Variants in ZC3H12B observed in about 807,000 individuals in gnomAD.
ZC3H12B encodes the protein probable ribonuclease ZC3H12B.
ZC3H12B carries 7 observed loss-of-function variants against 43.9 expected under a neutral mutation model. The observed-to-expected ratio is 0.16, with a 90% CI of 0.09 to 0.30. The LOEUF (loss-of-function observed/expected upper bound fraction) is 0.30. Among genes scored for constraint, ZC3H12B ranks in the 10% least tolerant of loss-of-function variants. ZC3H12B has a pLI of 1.00. For synonymous variants in ZC3H12B, 222 were observed against 241.7 expected, an observed-to-expected ratio of 0.92 and a Z score of 0.76; for missense variants, 475 against 670.2, an observed-to-expected ratio of 0.71 and a Z score of 3.22.
chrX:65,136,961 C>T, the ZC3H12B span, among the ~76,000 whole-genome samples: 5 of 111,673 alleles, frequency 4.5e-5, no homozygotes, highest in Non-Finnish European at 9.4e-5. Flanking sequence ...ATGTGATTGT[C>T]TTTATAGCCT....
chrX:65,411,703 G>A (rs985496653), intron 3 of ZC3H12B, among the ~76,000 whole-genome samples: 3 of 109,555 alleles, frequency 2.7e-5, no homozygotes, highest in African/African-American at 1.0e-4. Context: ...TCCAGCCTGG[G>A]CGACAGAGTG....
chrX:65,279,468 G>A, the ZC3H12B span, among the ~76,000 whole-genome samples: 3 of 110,931 alleles, frequency 2.7e-5, no homozygotes, highest in Non-Finnish European at 3.8e-5. Context: ...AAGCAATTGG[G>A]AAAAGACTCT....
intron 2 of ZC3H12B, among the ~76,000 whole-genome samples, chrX:65,384,626 C>A (rs903780328): frequency 2.7e-5 from 3 of 110,638 alleles, no homozygotes; most frequent in Non-Finnish European, 3.8e-5. Flanking sequence ...AGGAGTAATT[C>A]TTTGCTTATC....
the ZC3H12B span, among the ~76,000 whole-genome samples, chrX:65,091,212 A>G: frequency 1.8e-5 from 2 of 112,288 alleles, no homozygotes; most frequent in Non-Finnish European, 3.8e-5. Flanking sequence ...AGACGAAGGC[A>G]ATGTGGTGAC....
chrX:65,430,961 G>C (rs1219215139), intron 3 of ZC3H12B, among the ~76,000 whole-genome samples: 1 of 111,637 alleles, frequency 9.0e-6, no homozygotes, highest in Non-Finnish European at 1.9e-5. Context: ...CACCCATTTT[G>C]TTCCTCTCCA....
the ZC3H12B span, among the ~76,000 whole-genome samples, chrX:65,351,860 C>A: frequency 8.9e-6 from 1 of 112,372 alleles, no homozygotes; most frequent in Non-Finnish European, 1.9e-5. Flanking sequence ...CACTTTTACA[C>A]AGTCAGTGGG....
At chrX:65,233,531 T>TAA in the ZC3H12B span, among the ~76,000 whole-genome samples, 10 of 96,619 alleles carry the variant, frequency 1.0e-4, no homozygotes, top group African/African-American at 3.7e-4. Flanking sequence ...AGAAGAAAAT[T>TAA]AAAAAAAAAA....
At chrX:65,438,292 G>A (rs373760553) in intron 3 of ZC3H12B, among the ~76,000 whole-genome samples, 3 of 111,382 alleles carry the variant, frequency 2.7e-5, no homozygotes, top group African/African-American at 9.8e-5. Context: ...GGATTGCATT[G>A]AATCTGTACC....
At chrX:65,211,888 A>G in the ZC3H12B span, among the ~76,000 whole-genome samples, 1 of 76,517 alleles carries the variant, frequency 1.3e-5, no homozygotes, top group African/African-American at 5.5e-5. Context: ...TATGTTATGT[A>G]TACTATATAA....
intron 1 of ZC3H12B, among the ~76,000 whole-genome samples, chrX:65,490,239 G>A (rs2068185148): frequency 9.1e-6 from 1 of 110,262 alleles, no homozygotes; most frequent in South Asian, 3.9e-4. Context: ...AATCACAAGT[G>A]CCTTTATTAG....
chrX:65,135,277 A>G, the ZC3H12B span, among the ~76,000 whole-genome samples: 2 of 110,761 alleles, frequency 1.8e-5, no homozygotes, highest in Non-Finnish European at 3.8e-5. Flanking sequence ...TTTTGCTTAA[A>G]CTCTCAAACA....
chrX:65,355,908 T>C, the ZC3H12B span, among the ~76,000 whole-genome samples: 1 of 111,930 alleles, frequency 8.9e-6, no homozygotes, highest in African/African-American at 3.2e-5. Flanking sequence ...TGAGCTGAGA[T>C]AGCACCATTG....
the ZC3H12B span, among the ~76,000 whole-genome samples, chrX:65,181,247 AT>A: frequency 1.8e-5 from 2 of 112,155 alleles, no homozygotes; most frequent in African/African-American, 6.5e-5. Flanking sequence ...TATGCAAAAA[AT>A]TAACTCAAGA....
At chrX:65,453,697 C>T (rs1229992229) in intron 3 of ZC3H12B, among the ~76,000 whole-genome samples, 1 of 108,507 alleles carries the variant, frequency 9.2e-6, no homozygotes, top group African/African-American at 3.4e-5. Context: ...ACTCGAGCCT[C>T]GAGCCTAGGT....
At chrX:65,154,204 C>T in the ZC3H12B span, among the ~76,000 whole-genome samples, 1 of 111,510 alleles carries the variant, frequency 9.0e-6, no homozygotes, top group South Asian at 3.8e-4. Flanking sequence ...ACATTGTGCA[C>T]ATGCACCCTA....
At chrX:65,457,440 G>A (rs1189723563) in intron 3 of ZC3H12B, among the ~76,000 whole-genome samples, 6 of 80,247 alleles carry the variant, frequency 7.5e-5, no homozygotes, top group African/African-American at 3.6e-4. Flanking sequence ...CGGGAGGGTG[G>A]TGGGGGGGTC....
At chrX:65,115,449 C>T in the ZC3H12B span, among the ~76,000 whole-genome samples, 2 of 111,005 alleles carry the variant, frequency 1.8e-5, no homozygotes, top group Non-Finnish European at 3.8e-5. Context: ...TTTATCTACT[C>T]ATTGATTGTT....
the ZC3H12B span, among the ~76,000 whole-genome samples, chrX:65,227,482 C>T: frequency 9.1e-6 from 1 of 109,996 alleles, no homozygotes. Context: ...ACTAGAAAAG[C>T]AAGAGCAAAC....
chrX:65,309,968 C>G, the ZC3H12B span, among the ~76,000 whole-genome samples: 2 of 111,765 alleles, frequency 1.8e-5, no homozygotes, highest in East Asian at 5.6e-4. Context: ...GCTAAAAACT[C>G]TCAATAAACT....
Sources: gnomAD v4.1 joint callset for allele counts (sites outside exome capture counted in the v4.1 genomes callset) on GRCh38, gnomAD v4.1.1 for gene constraint, MANE v1.5 for transcripts, NCBI Gene and HGNC (gene_info 2026-07-23, HGNC 2026-07-21) for gene names.